SSBP2: variants seen among roughly 807,000 people sequenced by gnomAD.
SSBP2 encodes single-stranded DNA-binding protein 2.
A neutral mutation model predicts 61.8 loss-of-function variants in SSBP2; 17 were observed. The ratio of observed to expected loss-of-function variants is 0.28; its 90% CI spans 0.19 to 0.41. The LOEUF (loss-of-function observed/expected upper bound fraction) is 0.41, where lower values mean the gene tolerates loss of function less well. Among genes scored for constraint, SSBP2 ranks in the 10% least tolerant of loss-of-function variants. The probability of loss-of-function intolerance (pLI) is 1.00; values close to 1 mark genes in which losing one functional copy is unlikely to be tolerated. For synonymous variants in SSBP2, 139 were observed against 141.3 expected (o/e 0.98, Z 0.12); for missense variants, 310 against 458.7 (o/e 0.68, Z 2.96).
chr5:81,640,505 G>A (rs1419477580), intron 2 of SSBP2, among the ~76,000 whole-genome samples: 1 of 152,004 alleles, frequency 6.6e-6, no homozygotes, highest in Non-Finnish European at 1.5e-5. Flanking sequence ...ATTATCCTAA[G>A]TGGTAATACA....
intron 4 of SSBP2, among the ~76,000 whole-genome samples, chr5:81,525,850 A>C (rs1156940311): frequency 6.6e-6 from 1 of 152,032 alleles, no homozygotes; most frequent in Admixed American, 6.6e-5. Context: ...GCCCTGTCTT[A>C]GAATCCAAAG....
chr5:81,492,517 A>G (rs1766934563), intron 5 of SSBP2, among the ~76,000 whole-genome samples: 1 of 152,020 alleles, frequency 6.6e-6, no homozygotes. Flanking sequence ...ACAAAACGAA[A>G]CAAAAAAACA....
intron 1 of SSBP2, among the ~76,000 whole-genome samples, chr5:81,732,055 T>A (rs1243660480): frequency 6.6e-6 from 1 of 152,054 alleles, no homozygotes; most frequent in African/African-American, 2.4e-5. Context: ...CATCCACCTA[T>A]GTTAATTAGA....
At chr5:81,451,345 T>A (rs1763756142) in intron 10 of SSBP2, among the ~76,000 whole-genome samples, 1 of 150,230 alleles carries the variant, frequency 6.7e-6, no homozygotes, top group Non-Finnish European at 1.5e-5. Flanking sequence ...AAAAAAAAAC[T>A]TTGTTTATTT....
At chr5:81,475,898 G>T (rs1765554123) in intron 6 of SSBP2, among the ~76,000 whole-genome samples, 1 of 151,996 alleles carries the variant, frequency 6.6e-6, no homozygotes, top group Non-Finnish European at 1.5e-5. Flanking sequence ...ATAATTGTGT[G>T]TGTATACACA....
At chr5:81,727,130 A>G (rs972626654) in intron 1 of SSBP2, among the ~76,000 whole-genome samples, 1 of 152,212 alleles carries the variant, frequency 6.6e-6, no homozygotes, top group Non-Finnish European at 1.5e-5. Context: ...TTCAAATCCC[A>G]GTTCTGCCAC....
At chr5:81,693,254 C>A (rs1170434210) in intron 1 of SSBP2, among the ~76,000 whole-genome samples, 2 of 146,492 alleles carry the variant, frequency 1.4e-5, no homozygotes, top group Non-Finnish European at 3.0e-5. Context: ...CTCTCCAGGA[C>A]ATTGGACTGG....
intron 1 of SSBP2, among the ~76,000 whole-genome samples, chr5:81,703,203 T>C (rs886654921): frequency 1.3e-5 from 2 of 152,184 alleles, no homozygotes; most frequent in African/African-American, 4.8e-5. Flanking sequence ...ATTAAATAAC[T>C]TAATTGAAAT....
chr5:81,480,359 AAT>A (rs1472294655), intron 6 of SSBP2, among the ~76,000 whole-genome samples: 4 of 152,190 alleles, frequency 2.6e-5, no homozygotes, highest in African/African-American at 9.7e-5. Flanking sequence ...GTTTCCCGTG[AAT>A]ATATGTTTTG....
intron 1 of SSBP2, among the ~76,000 whole-genome samples, chr5:81,715,780 T>G (rs973322236): frequency 6.6e-6 from 1 of 151,994 alleles, no homozygotes; most frequent in Non-Finnish European, 1.5e-5. Flanking sequence ...GATGGCCAGG[T>G]GCAGTGTGGC....
At chr5:81,684,747 T>C (rs1197349986) in intron 1 of SSBP2, among the ~76,000 whole-genome samples, 1 of 152,210 alleles carries the variant, frequency 6.6e-6, no homozygotes, top group Non-Finnish European at 1.5e-5. Context: ...CACAGGCTCA[T>C]GGGCAGAAGG....
At chr5:81,445,584 A>G (rs1763352631) in intron 12 of SSBP2, among the ~76,000 whole-genome samples, 1 of 152,096 alleles carries the variant, frequency 6.6e-6, no homozygotes. Flanking sequence ...CAGGACACAG[A>G]CCATTAAATA....
Position 81,440,509 on chromosome 5 carries a change from TAAGGTTTTGTTATG to T in SSBP2, c.928+35_928+48del, listed in dbSNP as rs764035962. 10 of 1,523,280 alleles carry T rather than the reference TAAGGTTTTGTTATG, an allele frequency of 6.6e-6. No individual in the cohort carries two copies. The South Asian group carries it at 1.1e-4, about 17-fold the overall frequency. 94.4% of individuals were successfully genotyped at this position (1,523,280 alleles called of 1,614,324 possible). ...AACTGTAATATGCACTAGGTAGAAT[TAAGGTTTTGTTATG>T]AATTTATTCTAAACATCAAATTGAA... On this transcript the variant is annotated intron_variant, in intron 14 of 16. Transcript: ENST00000320672.
At chr5:81,632,558 T>G (rs1747824496) in intron 3 of SSBP2, among the ~76,000 whole-genome samples, 1 of 152,106 alleles carries the variant, frequency 6.6e-6, no homozygotes, top group African/African-American at 2.4e-5. Context: ...CTACAAACAT[T>G]CCTGCATCTC....
chr5:81,738,755 T>A (rs1480473945), intron 1 of SSBP2, among the ~76,000 whole-genome samples: 1 of 152,194 alleles, frequency 6.6e-6, no homozygotes, highest in African/African-American at 2.4e-5. Flanking sequence ...GCATTTGTAT[T>A]GTTATAGCAA....
intron 1 of SSBP2, among the ~76,000 whole-genome samples, chr5:81,711,875 G>A (rs1048765965): frequency 2.0e-5 from 3 of 151,552 alleles, no homozygotes; most frequent in Non-Finnish European, 4.4e-5. Context: ...TCTGTGCCTC[G>A]GTTTCCTCAC....
intron 4 of SSBP2, among the ~76,000 whole-genome samples, chr5:81,606,713 G>A (rs892446295): frequency 3.3e-5 from 5 of 152,118 alleles, no homozygotes; most frequent in Non-Finnish European, 2.9e-5. Context: ...GCTACCTCTT[G>A]TATTTCTCTG....
chr5:81,433,592 T>TTAA (rs759549482), intron 15 of SSBP2, among the ~76,000 whole-genome samples: 7 of 104,006 alleles, frequency 6.7e-5, no homozygotes, highest in African/African-American at 2.3e-4. Context: ...GAATGATCAA[T>TTAA]AAAAAAAAAA....
intron 10 of SSBP2, among the ~76,000 whole-genome samples, chr5:81,456,962 T>C (rs1238982533): frequency 6.6e-6 from 1 of 152,194 alleles, no homozygotes; most frequent in Admixed American, 6.5e-5. Flanking sequence ...GAAGCATCAG[T>C]GTGCACTCAT....
Sources: gnomAD v4.1 joint callset for allele counts (sites outside exome capture counted in the v4.1 genomes callset) on GRCh38, gnomAD v4.1.1 for gene constraint, MANE v1.5 for transcripts, NCBI Gene and HGNC (gene_info 2026-07-23, HGNC 2026-07-21) for gene names.